BIRC6: variants seen among roughly 807,000 people sequenced by gnomAD.
The protein encoded by BIRC6 is baculoviral IAP repeat containing 6.
In BIRC6, 98 loss-of-function variants were observed where a neutral mutation model predicts 503.3. The observed-to-expected ratio is 0.19, with a 90% CI of 0.17 to 0.23. The LOEUF (loss-of-function observed/expected upper bound fraction) is 0.23. Among genes scored for constraint, BIRC6 ranks in the 10% least tolerant of loss-of-function variants. BIRC6 has a pLI of 1.00. For synonymous variants in BIRC6, 2,240 were observed against 2,078.7 expected, an observed-to-expected ratio of 1.08 and a Z score of -2.11; for missense variants, 5,360 against 5,806.0, an observed-to-expected ratio of 0.92 and a Z score of 2.50.
chr2:32,363,214 C>A (rs1225932725), intron 1 of BIRC6, among the ~76,000 whole-genome samples: 1 of 152,114 alleles, frequency 6.6e-6, no homozygotes, highest in African/African-American at 2.4e-5. Flanking sequence ...CACCTGTAGT[C>A]CCAGATACTC....
chr2:32,377,035 GC>G (rs2149357727), intron 1 of BIRC6, among the ~76,000 whole-genome samples: 1 of 152,010 alleles, frequency 6.6e-6, no homozygotes, highest in Non-Finnish European at 1.5e-5. Context: ...ATTGAGTTTT[GC>G]AAAAAATGAC....
intron 61 of BIRC6, among the ~76,000 whole-genome samples, chr2:32,539,520 G>A (rs1178229848): frequency 6.6e-6 from 1 of 152,066 alleles, no homozygotes; most frequent in African/African-American, 2.4e-5. Context: ...AACCAATAGC[G>A]GTAAGATCTA....
chr2:32,493,793 A>AGGG, intron 45 of BIRC6, 126 bp downstream of exon 45: 1 of 703,372 alleles, frequency 1.4e-6, no homozygotes, highest in South Asian at 2.2e-5. Context: ...GTAGTAATTA[A>AGGG]GGGGGAAGGA....
At chr2:32,457,522 T>A (rs2047384449) in intron 23 of BIRC6, among the ~76,000 whole-genome samples, 1 of 152,158 alleles carries the variant, frequency 6.6e-6, no homozygotes, top group African/African-American at 2.4e-5. Flanking sequence ...GTACTCTGAT[T>A]CCAGAAGTAT....
At chr2:32,598,530 C>G (rs1317108279) in intron 69 of BIRC6, among the ~76,000 whole-genome samples, 1 of 152,044 alleles carries the variant, frequency 6.6e-6, no homozygotes, top group East Asian at 1.9e-4. Flanking sequence ...TATATAATCT[C>G]TACTTTTATG....
intron 70 of BIRC6, among the ~76,000 whole-genome samples, chr2:32,601,261 T>G (rs937901450): frequency 6.6e-6 from 1 of 152,218 alleles, no homozygotes; most frequent in Non-Finnish European, 1.5e-5. Flanking sequence ...GAAAGAGTAG[T>G]AAGGAGACAG....
intron 53 of BIRC6, 39 bp downstream of exon 53, chr2:32,510,673 C>A: frequency 7.8e-7 from 1 of 1,279,844 alleles, no homozygotes; most frequent in Non-Finnish European, 1.1e-6. Flanking sequence ...CACACACATG[C>A]ACATAATCAT....
chr2:32,571,875 C>T (rs1249035343), intron 65 of BIRC6, among the ~76,000 whole-genome samples: 1 of 152,140 alleles, frequency 6.6e-6, no homozygotes, highest in Non-Finnish European at 1.5e-5. Flanking sequence ...ATACACTTCT[C>T]TCTCTTTGCA....
chr2:32,462,446 T>C (rs904736327), intron 23 of BIRC6, among the ~76,000 whole-genome samples: 4 of 152,230 alleles, frequency 2.6e-5, no homozygotes, highest in Non-Finnish European at 5.9e-5. Context: ...TTATTACTGA[T>C]AATGTTCATG....
In BIRC6 at chr2:32,445,630, G is replaced by C; in HGVS notation, c.4446G>C (p.Gln1482His). The change falls in exon 21 of 74, where the codon CAG becomes CAC. Residue 1482 changes from glutamine to histidine, a missense_variant. Gln to His is a conservative substitution (Grantham distance 24, BLOSUM62 0). This residue lies in a region of BIRC6 where 2,299 missense variants were observed against 2,267.2 expected (regional missense o/e 1.01). Coordinates refer to ENST00000421745, the MANE Select transcript of BIRC6 (RefSeq NM_016252.4). ...TTACTGCAGTGTCCAGACAGTTACA[G>C]GACAGGCTAACACCAATGGAGGCTT... ...SLLTAVSRQL[Q>H]DRLTPMEALL... 6.3e-7 allele frequency: 1 copy of C among 1,597,696 alleles called. No homozygotes were observed. Among genetic ancestry groups the C allele is most frequent in the Non-Finnish European group, 8.5e-7 (1 of 1,171,496 alleles).
chr2:32,464,390 A>T, intron 24 of BIRC6, 119 bp from the exon 25 acceptor site: 4 of 1,229,850 alleles, frequency 3.3e-6, no homozygotes, highest in Non-Finnish European at 4.4e-6. Context: ...ATTTAATTTC[A>T]TCTTTAAGTA....
At chr2:32,457,117 T>G (rs748451615) in intron 23 of BIRC6, among the ~76,000 whole-genome samples, 1 of 152,220 alleles carries the variant, frequency 6.6e-6, no homozygotes, top group African/African-American at 2.4e-5. Flanking sequence ...GTCTGATGTT[T>G]ACTTAGCTAA....
Position 32,525,019 on chromosome 2 carries a change from G to T in BIRC6, c.11755G>T (p.Gly3919Trp). The T allele has an allele frequency of 6.6e-7, 1 of 1,514,256 alleles. No individual in the cohort carries two copies. The highest frequency in any genetic ancestry group is 8.8e-7 in the Non-Finnish European group (1 of 1,139,030). 93.8% of individuals were successfully genotyped at this position (1,514,256 alleles called of 1,614,324 possible). A position where few individuals can be genotyped will look rare whatever the true frequency, so the allele number is the denominator to read the frequency against. ...QDNYSVVVAS[G>W]LKSQSKRAVS... ...CAATTACAGTGTTGTTGTTGCCTCT[G>T]GTATGCTTTCTATTTTTTATAATCT... The change falls in exon 58 of 74, where the codon GGG becomes TGG. Residue 3919 changes from glycine (G) to tryptophan (W), a missense_variant and splice_region_variant. Transcript: ENST00000421745.
Position 32,526,342 on chromosome 2 carries a change from G to A in BIRC6, c.11920+714G>A, listed in dbSNP as rs1052196003. Among the ~76,000 whole-genome samples, 5 of 152,128 alleles carry A rather than the reference G, an allele frequency of 3.3e-5. No homozygotes were observed. The South Asian group carries it at 6.2e-4, about 19-fold the overall frequency. On this transcript the variant is annotated intron_variant, in intron 59 of 73. Coordinates refer to ENST00000421745, the MANE Select transcript of BIRC6 (RefSeq NM_016252.4). ...GACGTGCCAACAGCAGGTTTCCCAC[G>A]ATGCCCCACATGATGCCAAGATGTG...
Position 32,493,661 on chromosome 2 carries a change from C to G in BIRC6, c.8462C>G (p.Thr2821Ser). ...CTCAAGCTAATTCATATACTTTCAA[C>G]TGAAAGGTAAATTTTTGTGTACTAA... ...FLLKLIHILS[T>S]ERGAFQTGQG... Residue 2821 changes from threonine to serine, a missense_variant, in exon 45 of 74, where the codon ACT becomes AGT. By Grantham distance (58) the Thr-to-Ser change is moderately conservative. This residue lies in a region of BIRC6 where 2,299 missense variants were observed against 2,267.2 expected (regional missense o/e 1.01). Coordinates refer to ENST00000421745, the MANE Select transcript of BIRC6 (RefSeq NM_016252.4). 1 of 1,597,818 alleles carries G rather than the reference C, an allele frequency of 6.3e-7. No homozygotes were observed.
intron 46 of BIRC6, among the ~76,000 whole-genome samples, chr2:32,500,388 G>C (rs1165733288): frequency 2.0e-5 from 3 of 151,218 alleles, no homozygotes; most frequent in South Asian, 4.2e-4. Context: ...CAAGTAGCTG[G>C]GACCATAGGT....
chr2:32,518,168 A>G (rs2055264453), intron 55 of BIRC6, 86 bp from the exon 56 acceptor site: 3 of 1,269,190 alleles, frequency 2.4e-6, no homozygotes, highest in Non-Finnish European at 2.2e-6. Context: ...AAACTTATTC[A>G]TATTTTCTGT....
chr2:32,441,049 T>C (rs2045376580), intron 16 of BIRC6, among the ~76,000 whole-genome samples: 1 of 152,082 alleles, frequency 6.6e-6, no homozygotes, highest in Non-Finnish European at 1.5e-5. Context: ...CCTGAGCCAC[T>C]GCACCCAGCG....
intron 23 of BIRC6, among the ~76,000 whole-genome samples, 181 bp from the exon 24 acceptor site, chr2:32,463,013 C>T (rs1057266754): frequency 3.3e-5 from 5 of 150,830 alleles, no homozygotes; most frequent in African/African-American, 1.2e-4. Flanking sequence ...ATAGTATTAT[C>T]AATATACTTT....
Sources: gnomAD v4.1 joint callset for allele counts (sites outside exome capture counted in the v4.1 genomes callset) on GRCh38, gnomAD v4.1.1 for gene constraint, gnomAD v4.1.1 regional missense constraint, MANE v1.5 for transcripts, NCBI Gene and HGNC (gene_info 2026-07-23, HGNC 2026-07-21) for gene names.